Variants in TASOR2 observed in about 807,000 individuals in gnomAD.
TASOR2 encodes protein TASOR 2.
TASOR2 carries 84 observed loss-of-function variants against 199.5 expected under a neutral mutation model. The observed-to-expected ratio is 0.42, with a 90% CI of 0.35 to 0.50. The LOEUF is 0.50. Ranked by LOEUF, TASOR2 falls within the 20% of genes least tolerant of loss-of-function variation. The pLI is 0.02. For missense variants in TASOR2, 2,796 were observed against 2,835.9 expected (o/e 0.99, Z 0.32); for synonymous variants, 1,103 against 1,046.6 (o/e 1.05, Z -1.04).
chr10:5,718,573 C>T (rs1832942502), intron 3 of TASOR2, among the ~76,000 whole-genome samples: 1 of 151,620 alleles, frequency 6.6e-6, no homozygotes, highest in Admixed American at 6.6e-5. Context: ...CATGGCGAAA[C>T]CCTGTCTCCA....
At chr10:5,745,283 G>GGAC (rs72507176) in intron 14 of TASOR2, among the ~76,000 whole-genome samples, 1 of 151,452 alleles carries the variant, frequency 6.6e-6, no homozygotes, top group African/African-American at 2.4e-5. Context: ...ATGTACAATA[G>GGAC]GTATTCAAAT....
rs1477058615 is a variant in TASOR2, at chr10:5,728,539, G to A, written c.487+1416G>A. 3.3e-5 allele frequency among the ~76,000 whole-genome samples: 5 copies of A among 151,980 alleles called. No individual in the cohort carries two copies. The South Asian group carries it at 8.3e-4, about 25-fold the overall frequency. On this transcript the variant is annotated intron_variant, in intron 10 of 20. Transcript: ENST00000328090. ...TAGTTCCAGCTACTCAGGAGGCTGA[G>A]GCAGGGGAATCATTGGAACCCGGGA...
rs370715285 is a variant in TASOR2, at chr10:5,730,752, G to A, written c.753G>A (p.Lys251=). ...TTGACTTGATTCCTCCAGCTGAAAAGTGCCCTTCAGAGTCTTTAACTCAGT... is the reference window on the plus strand; with the variant it reads ...TTGACTTGATTCCTCCAGCTGAAAAATGCCCTTCAGAGTCTTTAACTCAGT... Residue 251 remains lysine (K), a synonymous_variant, in exon 11 of 21, where the codon AAG becomes AAA. Coordinates refer to ENST00000328090, the Ensembl canonical transcript of TASOR2. This position sits in a 1 kb window ranked among gnomAD's most constrained non-coding sequence, Gnocchi z 4.1. 1 of 1,614,182 alleles carries A rather than the reference G, an allele frequency of 6.2e-7. No individual in the cohort carries two copies.
At chr10:5,712,437 G>C in intron 1 of TASOR2, 2 of 1,231,588 alleles carry the variant, frequency 1.6e-6, no homozygotes, top group Non-Finnish European at 2.0e-6. Context: ...TCTTCCAGAG[G>C]GCAGTTTCAC....
At chr10:5,762,954 A>C in intron 20 of TASOR2, 75 bp from the exon 22 acceptor site, 5 of 1,425,842 alleles carry the variant, frequency 3.5e-6, no homozygotes, top group Non-Finnish European at 3.9e-6. Flanking sequence ...TTTCCCCATT[A>C]GAGCATCCCG....
intron 14 of TASOR2, chr10:5,743,834 A>G (rs1836775258): frequency 6.6e-6 from 1 of 152,220 alleles, no homozygotes; most frequent in African/African-American, 2.4e-5. Context: ...CAATCTCCTT[A>G]GTATGTACTT....
chr10:5,706,441 T>TC lies in TASOR2; in HGVS notation c.-287-6381dup, dbSNP rs958419054. On this transcript the variant is annotated intron_variant, in intron 1 of 20. Transcript: ENST00000328090. The surrounding 1 kb of genome is among the most constrained non-coding windows in gnomAD (Gnocchi z 4.8). ...AAAGTTAGAAAGCCAGGCAGTAATA[T>TC]CAGAGGGCACAAGCCCAGATTGAAG... Among the ~76,000 whole-genome samples, 1 of 152,110 alleles carries TC rather than the reference T, an allele frequency of 6.6e-6. No homozygotes were observed. The highest frequency in any genetic ancestry group is 2.4e-5 in the African/African-American group (1 of 41,434).
At chr10:5,762,568 G>C (rs2797501) in exon 20 of TASOR2, 1 of 1,383,968 alleles carries the variant, frequency 7.2e-7, no homozygotes, top group Non-Finnish European at 9.8e-7. Context: ...TTTGAAAATA[G>C]TGGAATCCTT....
intron 6 of TASOR2, among the ~76,000 whole-genome samples, chr10:5,721,314 C>CTTAGA (rs1833329196): frequency 6.6e-6 from 1 of 152,096 alleles, no homozygotes; most frequent in South Asian, 2.1e-4. Context: ...ATCTGATTTT[C>CTTAGA]AAATTTTAAC....
exon 20 of TASOR2, chr10:5,762,545 C>G (rs764463667): frequency 1.9e-6 from 2 of 1,070,276 alleles, no homozygotes; most frequent in South Asian, 3.4e-5. Context: ...AGCCTACTAT[C>G]CCCAGAGAAG....
rs2131592174 is a variant in TASOR2 at position 5,730,042 on chromosome 10, C to T, written c.488-445C>T. Among the ~76,000 whole-genome samples the T allele has an allele frequency of 6.6e-6, 1 of 152,288 alleles. No individual in the cohort carries two copies. The highest frequency in any genetic ancestry group is 2.4e-5 in the African/African-American group (1 of 41,552). On this transcript the variant is annotated intron_variant, in intron 10 of 20. Coordinates refer to ENST00000328090, the Ensembl canonical transcript of TASOR2. This position sits in a 1 kb window ranked among gnomAD's most constrained non-coding sequence, Gnocchi z 4.1. Reference sequence around the variant, plus strand: ...TTTCAGTTCAGTTGACTTGCACTAACTTCTGAAAAGAATTTGAAGTGAGTT... The same window carrying T: ...TTTCAGTTCAGTTGACTTGCACTAATTTCTGAAAAGAATTTGAAGTGAGTT...
chr10:5,714,638 AT>A (rs3833724), intron 2 of TASOR2: 103,561 of 136,720 alleles, frequency 0.76, 35,695 homozygotes, highest in African/African-American at 0.83. Context: ...ATATTATCTA[AT>A]TGTCAAGAAC....
At chr10:5,761,559 G>C in intron 19 of TASOR2, 88 bp downstream of exon 20, 1 of 1,205,258 alleles carries the variant, frequency 8.3e-7, no homozygotes, top group Non-Finnish European at 1.2e-6. Context: ...AAGAGTATCA[G>C]GTATCTAAAT....
In TASOR2 at chr10:5,722,267, C is replaced by A. The variant is rs1833462576; in HGVS notation, c.146+1297C>A. Among the ~76,000 whole-genome samples the A allele has an allele frequency of 1.3e-5, 2 of 151,974 alleles. No homozygotes were observed. Among genetic ancestry groups the A allele is most frequent in the Non-Finnish European group, 2.9e-5 (2 of 67,990 alleles). On this transcript the variant is annotated intron_variant, in intron 6 of 20. Coordinates refer to ENST00000328090, the Ensembl canonical transcript of TASOR2. The surrounding 1 kb of genome is among the most constrained non-coding windows in gnomAD (Gnocchi z 4.0). ...TCCAGGAGTTTGAGACCAACCTGGGCAACATGGCGAAACCCTCTCCCTAAT... is the reference window on the plus strand; with the variant it reads ...TCCAGGAGTTTGAGACCAACCTGGGAAACATGGCGAAACCCTCTCCCTAAT...
intron 18 of TASOR2, among the ~76,000 whole-genome samples, chr10:5,759,751 G>A (rs766774598): frequency 5.9e-5 from 9 of 152,270 alleles, no homozygotes; most frequent in Non-Finnish European, 8.8e-5. Context: ...TTAGCTGTAT[G>A]TGACCTTTGA....
In TASOR2 at chr10:5,717,758, T is replaced by G; in HGVS notation, c.-100+8T>G. On this transcript the variant is annotated splice_region_variant and intron_variant, in intron 3 of 20. Coordinates refer to ENST00000328090, the Ensembl canonical transcript of TASOR2. ...ATTTTTAATATAATTAAGGTAAAGC[T>G]TAAATGTGCTGTTACGTGATTTCCT... The G allele has an allele frequency of 9.6e-7, 1 of 1,046,192 alleles. No individual in the cohort carries two copies. Among genetic ancestry groups the G allele is most frequent in the Non-Finnish European group, 1.2e-6 (1 of 818,312 alleles). The allele number at this position is 1,046,192 out of a possible 1,614,324, so 64.8% of individuals were successfully genotyped here.
intron 1 of TASOR2, among the ~76,000 whole-genome samples, chr10:5,697,392 A>T (rs545703269): frequency 1.3e-5 from 2 of 152,332 alleles, no homozygotes; most frequent in South Asian, 4.1e-4. Flanking sequence ...AGCATATTTC[A>T]GGTATCTCCA....
chr10:5,745,005 C>T (rs1026434294), intron 14 of TASOR2, among the ~76,000 whole-genome samples: 5 of 152,272 alleles, frequency 3.3e-5, no homozygotes, highest in South Asian at 2.1e-4. Context: ...AGACATGGCA[C>T]GCAGTTTGTG....
intron 1 of TASOR2, chr10:5,709,484 A>C: frequency 8.6e-7 from 1 of 1,169,518 alleles, no homozygotes; most frequent in Non-Finnish European, 1.1e-6. Flanking sequence ...AATATGCTAT[A>C]AATAGAATTG....
Sources: gnomAD v4.1 joint callset for allele counts (sites outside exome capture counted in the v4.1 genomes callset) on GRCh38, gnomAD v4.1.1 for gene constraint, Gnocchi (gnomAD v3.1) non-coding constraint, MANE v1.5 for transcripts, NCBI Gene and HGNC (gene_info 2026-07-23, HGNC 2026-07-21) for gene names.